The following ZBTB20 variants were observed in gnomAD, a reference collection of about 807,000 sequenced individuals.
ZBTB20 encodes the protein zinc finger and BTB domain containing 20, also known as zinc finger and BTB domain-containing protein 20.
In ZBTB20, 9 loss-of-function variants were observed where a neutral mutation model predicts 56.9. The ratio of observed to expected loss-of-function variants is 0.16; its 90% CI spans 0.10 to 0.28. The LOEUF is 0.28. Among genes scored for constraint, ZBTB20 ranks in the 10% least tolerant of loss-of-function variants. ZBTB20 has a pLI of 1.00. For synonymous variants in ZBTB20, 417 were observed against 420.7 expected, an observed-to-expected ratio of 0.99 and a Z score of 0.11; for missense variants, 655 against 1,003.0, an observed-to-expected ratio of 0.65 and a Z score of 4.69.
chr3:114,888,086 T>G (rs577905232), intron 4 of ZBTB20, among the ~76,000 whole-genome samples: 2 of 150,140 alleles, frequency 1.3e-5, no homozygotes, highest in Admixed American at 6.6e-5. Context: ...TAACGTGGAA[T>G]TGGTCATTAA....
chr3:114,574,678 T>C (rs931281490), intron 6 of ZBTB20, among the ~76,000 whole-genome samples: 9 of 152,234 alleles, frequency 5.9e-5, no homozygotes, highest in African/African-American at 2.2e-4. Context: ...GATGGCATCA[T>C]GTCTGCCTGG....
chr3:114,969,665 C>T (rs2077791167), intron 3 of ZBTB20, among the ~76,000 whole-genome samples: 2 of 152,098 alleles, frequency 1.3e-5, no homozygotes, highest in Admixed American at 1.3e-4. Context: ...TACTCTATAA[C>T]CAGGTACCTT....
rs189884957 is a variant in ZBTB20 at position 114,587,759 on chromosome 3, C to A, written c.-294-87368G>T. On this transcript the variant is annotated intron_variant, in intron 6 of 11. Transcript: ENST00000675478. ...AGTCATTTCCACTGCCTCCAGAAGC[C>A]TTTTCTCTCTTGCTTACTGGAAAAC... Among the ~76,000 whole-genome samples the A allele has an allele frequency of 1.1e-4, 17 of 152,274 alleles. No homozygotes were observed. In the East Asian group the frequency reaches 1.9e-3, roughly 17 times the overall value.
rs182536400 is a variant in ZBTB20 at position 114,745,363 on chromosome 3, G to A, written c.-342-51788C>T. ...CATTCATTAGATATGCTAAATCCTC[G>A]TCCATGGTTACTCTCCTTTGGAAGA... On this transcript the variant is annotated intron_variant, in intron 5 of 11. Transcript: ENST00000675478. Among the ~76,000 whole-genome samples, 44 of 152,084 alleles carry A rather than the reference G, an allele frequency of 2.9e-4. No homozygotes were observed. The South Asian group carries it at 6.9e-3, about 24-fold the overall frequency.
chr3:115,074,489 A>C (rs1273168746), intron 1 of ZBTB20, among the ~76,000 whole-genome samples: 1 of 152,208 alleles, frequency 6.6e-6, no homozygotes, highest in Non-Finnish European at 1.5e-5. Context: ...TGCTACTAGA[A>C]TTAGACAGTA....
At chr3:114,396,468 A>T (rs1180528082) in intron 7 of ZBTB20, among the ~76,000 whole-genome samples, 1 of 152,084 alleles carries the variant, frequency 6.6e-6, no homozygotes, top group Non-Finnish European at 1.5e-5. Context: ...AGATAACTTT[A>T]TTTTCTTACA....
rs1050660873 is a variant in ZBTB20, at chr3:115,068,942, A to T, written c.-507+2277T>A. On this transcript the variant is annotated intron_variant, in intron 2 of 11. Coordinates refer to ENST00000675478, the MANE Select transcript of ZBTB20 (RefSeq NM_001348800.3). ...TTCTTATGCCTCCAGCACTGAATCA[A>T]CCACTATAACATTCAAACCAAGAGG... Among the ~76,000 whole-genome samples, 5 of 152,104 alleles carry T rather than the reference A, an allele frequency of 3.3e-5. No individual in the cohort carries two copies. The South Asian group carries it at 1.0e-3, about 32-fold the overall frequency.
At chr3:114,581,042 T>C (rs1010061469) in intron 6 of ZBTB20, among the ~76,000 whole-genome samples, 1 of 151,816 alleles carries the variant, frequency 6.6e-6, no homozygotes, top group African/African-American at 2.4e-5. Context: ...AAAAAGAATA[T>C]TATAAAGCTA....
intron 5 of ZBTB20, among the ~76,000 whole-genome samples, chr3:114,710,526 T>C (rs921774552): frequency 3.3e-5 from 5 of 152,196 alleles, no homozygotes; most frequent in Non-Finnish European, 4.4e-5. Context: ...CCCAACTCCA[T>C]GGGATATTGC....
chr3:114,877,503 C>A (rs1335418194), intron 4 of ZBTB20, among the ~76,000 whole-genome samples: 1 of 152,180 alleles, frequency 6.6e-6, no homozygotes, highest in African/African-American at 2.4e-5. Context: ...ATTCATTTTA[C>A]AATTCATTTA....
chr3:114,703,351 G>A (rs1159376000), intron 5 of ZBTB20, among the ~76,000 whole-genome samples: 4 of 152,090 alleles, frequency 2.6e-5, no homozygotes, highest in Admixed American at 6.6e-5. Context: ...TGGCAGTTTT[G>A]TGGTACTGGG....
At chr3:114,810,084 CGT>C (rs771942394) in intron 4 of ZBTB20, among the ~76,000 whole-genome samples, 1 of 140,794 alleles carries the variant, frequency 7.1e-6, no homozygotes, top group African/African-American at 3.3e-5. Flanking sequence ...TTGATATATA[CGT>C]GTGTGTGGGT....
intron 6 of ZBTB20, among the ~76,000 whole-genome samples, chr3:114,595,974 G>T (rs929495238): frequency 5.9e-5 from 9 of 152,174 alleles, no homozygotes; most frequent in Admixed American, 4.6e-4. Context: ...TTATAAATGG[G>T]ACATTTAACT....
rs142946197 is a variant in ZBTB20 at position 114,703,986 on chromosome 3, T to G, written c.-342-10411A>C. On this transcript the variant is annotated intron_variant, in intron 5 of 11. Transcript: ENST00000675478. ...TTCTTTTCTTATTTATTTTTTGTTG[T>G]ATGGCAGTATTTTTAGGAGTGGTGA... 1.2e-3 allele frequency among the ~76,000 whole-genome samples: 180 copies of G among 152,324 alleles called. 1 individual carries two copies. The highest frequency in any genetic ancestry group is 2.2e-3 in the Non-Finnish European group (148 of 68,010).
chr3:115,046,655 T>A (rs2081344841), intron 2 of ZBTB20, among the ~76,000 whole-genome samples: 1 of 152,158 alleles, frequency 6.6e-6, no homozygotes. Context: ...GAAGAAATAG[T>A]TTTTCATTTT....
At chr3:114,701,590 T>G (rs2063388415) in intron 5 of ZBTB20, among the ~76,000 whole-genome samples, 1 of 152,190 alleles carries the variant, frequency 6.6e-6, no homozygotes, top group Non-Finnish European at 1.5e-5. Flanking sequence ...GTTTTATAGA[T>G]TAGCAACATA....
chr3:114,499,915 T>C (rs937131323), intron 7 of ZBTB20, among the ~76,000 whole-genome samples: 8 of 152,232 alleles, frequency 5.3e-5, no homozygotes, highest in African/African-American at 1.9e-4. Flanking sequence ...TTAGAAATTT[T>C]GTCAATAAAT....
chr3:114,978,010 C>CAA (rs764420792), intron 2 of ZBTB20, among the ~76,000 whole-genome samples: 12 of 56,460 alleles, frequency 2.1e-4, no homozygotes, highest in African/African-American at 4.4e-4. Flanking sequence ...GACCCAGTCT[C>CAA]AAAAAAAAAA....
chr3:114,368,597 C>T (rs1331445360), intron 10 of ZBTB20, among the ~76,000 whole-genome samples: 1 of 152,188 alleles, frequency 6.6e-6, no homozygotes, highest in Non-Finnish European at 1.5e-5. Context: ...CCTAATGTAA[C>T]AAAATCTTTA....
Sources: allele counts gnomAD v4.1 joint callset (sites outside exome capture counted in the v4.1 genomes callset), GRCh38; gene constraint gnomAD v4.1.1; transcripts MANE v1.5; gene names NCBI Gene and HGNC (gene_info 2026-07-23, HGNC 2026-07-21).